RNF144A: variants seen among roughly 807,000 people sequenced by gnomAD.
RNF144A encodes E3 ubiquitin-protein ligase RNF144A.
RNF144A carries 11 observed loss-of-function variants against 38.7 expected under a neutral mutation model. The observed-to-expected ratio is 0.28, with a 90% CI of 0.18 to 0.47. RNF144A has a LOEUF of 0.47. RNF144A is among the 20% of genes least tolerant of loss of function. The pLI is 0.99. For synonymous variants in RNF144A, 149 were observed against 143.9 expected (o/e 1.04, Z -0.25); for missense variants, 316 against 377.2 (o/e 0.84, Z 1.34).
At chr2:7,049,033 T>C (rs571731950), downstream of RNF144A, among the ~76,000 whole-genome samples, 13 of 152,252 alleles carry the variant, frequency 8.5e-5, no homozygotes, top group Admixed American at 8.5e-4. Flanking sequence ...ATTACTCTCC[T>C]ATGAGAGGGT....
At chr2:6,960,281 A>C (rs1667257900) in intron 2 of RNF144A, among the ~76,000 whole-genome samples, 1 of 152,196 alleles carries the variant, frequency 6.6e-6, no homozygotes, top group Non-Finnish European at 1.5e-5. Flanking sequence ...TTCGCAACAG[A>C]GTGAAAACCT....
chr2:7,022,443 A>G (rs1671595993), intron 6 of RNF144A, among the ~76,000 whole-genome samples: 3 of 152,228 alleles, frequency 2.0e-5, no homozygotes, highest in African/African-American at 4.8e-5. Flanking sequence ...CAATTCAGAT[A>G]CTAAGAAATA....
intron 1 of RNF144A, among the ~76,000 whole-genome samples, chr2:6,933,867 A>G (rs1475759310): frequency 6.6e-6 from 1 of 152,134 alleles, no homozygotes; most frequent in East Asian, 1.9e-4. Context: ...ATATAGCTGT[A>G]TTATTTATTC....
At chr2:7,018,393 C>G (rs1022828333) in intron 5 of RNF144A, among the ~76,000 whole-genome samples, 3 of 152,272 alleles carry the variant, frequency 2.0e-5, no homozygotes, top group African/African-American at 4.8e-5. Context: ...CCCCACAGCA[C>G]TCACAGAGGG....
chr2:7,044,987 C>T (rs768824134), downstream of RNF144A, among the ~76,000 whole-genome samples: 102 of 152,330 alleles, frequency 6.7e-4, 1 homozygote, highest in Middle Eastern at 3.4e-3. Flanking sequence ...CAATGGTAGA[C>T]GCACGCTCAG....
At chr2:7,014,417 A>G in intron 3 of RNF144A, 37 bp from the exon 4 acceptor site, 1 of 1,381,318 alleles carries the variant, frequency 7.2e-7, no homozygotes, top group East Asian at 2.3e-5. Flanking sequence ...TTAAGGAGGT[A>G]AAGATGTTTA....
At chr2:7,059,507 G>C (rs776627333) in intron 6 of RNF144A, among the ~76,000 whole-genome samples, 1 of 152,160 alleles carries the variant, frequency 6.6e-6, no homozygotes, top group East Asian at 1.9e-4. Context: ...ATGTTGTCTG[G>C]TAGGGTTATT....
intron 6 of RNF144A, among the ~76,000 whole-genome samples, chr2:7,055,724 C>T (rs1673716024): frequency 6.6e-6 from 1 of 152,202 alleles, no homozygotes; most frequent in Non-Finnish European, 1.5e-5. Flanking sequence ...AAATTTCATT[C>T]ATGCCTATGA....
chr2:6,975,836 A>G (rs1206083426), intron 2 of RNF144A, among the ~76,000 whole-genome samples: 3 of 152,248 alleles, frequency 2.0e-5, no homozygotes, highest in African/African-American at 7.2e-5. Context: ...AAAAAATGAA[A>G]GAATCTTGGA....
intron 3 of RNF144A, among the ~76,000 whole-genome samples, chr2:7,009,866 C>T (rs890186281): frequency 1.3e-5 from 2 of 152,216 alleles, no homozygotes; most frequent in African/African-American, 4.8e-5. Flanking sequence ...CTCCAGCCCT[C>T]CTGCTGGGGC....
chr2:6,956,817 C>CA (rs1445232032), intron 2 of RNF144A, among the ~76,000 whole-genome samples: 8 of 152,168 alleles, frequency 5.3e-5, no homozygotes, highest in Non-Finnish European at 1.0e-4. Flanking sequence ...ACATATGCTA[C>CA]AAAAAATATG....
At chr2:6,976,619 CAT>C (rs1668334209) in intron 2 of RNF144A, among the ~76,000 whole-genome samples, 1 of 147,906 alleles carries the variant, frequency 6.8e-6, no homozygotes, top group Admixed American at 6.8e-5. Flanking sequence ...TGATATATGT[CAT>C]ATATACATTT....
chr2:7,002,283 C>T (rs1005363709), intron 3 of RNF144A, among the ~76,000 whole-genome samples: 17 of 152,162 alleles, frequency 1.1e-4, no homozygotes, highest in Admixed American at 2.0e-4. Context: ...CTGGCTTGTG[C>T]CAGATGCCCT....
chr2:7,028,463 C>G (rs993542094), intron 7 of RNF144A, among the ~76,000 whole-genome samples: 2 of 152,156 alleles, frequency 1.3e-5, no homozygotes, highest in Non-Finnish European at 2.9e-5. Context: ...CAAAAGCTGT[C>G]CAGGTGGCTC....
chr2:7,039,835 C>T lies in RNF144A; in HGVS notation c.*75C>T. 6.4e-7 allele frequency: 1 copy of T among 1,565,184 alleles called. No homozygotes were observed. On this transcript the variant is annotated 3_prime_UTR_variant, in exon 9 of 9. Transcript: ENST00000320892. ...CCCCCAACCCTCCCCACCGTCCCCC[C>T]TTCACTAAACATCTTTCTTGCCTTA...
At chr2:6,984,463 C>T (rs572650054) in intron 2 of RNF144A, among the ~76,000 whole-genome samples, 14 of 152,204 alleles carry the variant, frequency 9.2e-5, no homozygotes, top group South Asian at 4.1e-4. Flanking sequence ...CCACCACATC[C>T]GCGCTAATTT....
intron 2 of RNF144A, among the ~76,000 whole-genome samples, chr2:6,966,992 T>C (rs530335086): frequency 2.0e-5 from 3 of 152,326 alleles, no homozygotes; most frequent in East Asian, 3.9e-4. Context: ...GCTTTAGCTT[T>C]AGTGCATTGG....
At chr2:6,983,157 G>A (rs1055150050) in intron 2 of RNF144A, among the ~76,000 whole-genome samples, 28 of 152,168 alleles carry the variant, frequency 1.8e-4, no homozygotes, top group Admixed American at 6.5e-5. Flanking sequence ...TAAAGATACC[G>A]TCTCCCTTAC....
chr2:7,033,082 T>C (rs1180400634), intron 8 of RNF144A, among the ~76,000 whole-genome samples: 2 of 152,250 alleles, frequency 1.3e-5, no homozygotes, highest in African/African-American at 4.8e-5. Flanking sequence ...AGTTTCCCTG[T>C]AGAGAAGGTG....
Sources: allele counts gnomAD v4.1 joint callset (sites outside exome capture counted in the v4.1 genomes callset), GRCh38; gene constraint gnomAD v4.1.1; transcripts MANE v1.5; gene names NCBI Gene and HGNC (gene_info 2026-07-23, HGNC 2026-07-21).